Variants in GPR160 observed in about 807,000 individuals in gnomAD.
The protein encoded by GPR160 is probable G protein-coupled receptor 160.
In GPR160, 2 loss-of-function variants were observed where a neutral mutation model predicts 2.6. The observed-to-expected ratio is 0.77, with a 90% CI of 0.32 to 2.44. The LOEUF (loss-of-function observed/expected upper bound fraction) is 2.44, where lower values mean the gene tolerates loss of function less well. GPR160 is among the 30% of genes most tolerant of loss of function. The pLI, the probability that GPR160 is intolerant of heterozygous loss-of-function variation, is 0.11. For synonymous variants in GPR160, 130 were observed against 132.2 expected, an observed-to-expected ratio of 0.98 and a Z score of 0.12; for missense variants, 351 against 383.6, an observed-to-expected ratio of 0.91 and a Z score of 0.71.
intron 2 of GPR160, chr3:170,077,431 T>G (rs1372643126): frequency 6.6e-6 from 1 of 151,790 alleles, no homozygotes; most frequent in Admixed American, 6.6e-5. Context: ...TCGGTCAGAG[T>G]GGTGGGAGAA....
Position 170,042,677 on chromosome 3 carries a change from A to T in GPR160, c.-193+3634A>T, listed in dbSNP as rs199648549. 2.4e-3 allele frequency among the ~76,000 whole-genome samples: 353 copies of T among 145,802 alleles called. 2 individuals are homozygous for T. Among genetic ancestry groups the T allele is most frequent in the East Asian group, 3.9e-3 (20 of 5,070 alleles). On this transcript the variant is annotated intron_variant, in intron 2 of 3. Transcript: ENST00000355897. The stretch of plus-strand genomic sequence containing the variant: ...GCCCCCATCTCTACAAAAAAAAAAA[A>T]TAAATAAATAATAATAATAATAATA...
At chr3:170,058,676 A>G (rs1422905170) in intron 2 of GPR160, among the ~76,000 whole-genome samples, 2 of 152,184 alleles carry the variant, frequency 1.3e-5, no homozygotes, top group Non-Finnish European at 2.9e-5. Flanking sequence ...TCACCCTTTG[A>G]CCTAATGGCC....
chr3:170,082,499 T>C (rs1713183349), intron 3 of GPR160, among the ~76,000 whole-genome samples: 1 of 152,324 alleles, frequency 6.6e-6, no homozygotes, highest in African/African-American at 2.4e-5. Flanking sequence ...CAAATGAAAG[T>C]GTGGGTTTTT....
intron 3 of GPR160, among the ~76,000 whole-genome samples, chr3:170,080,689 C>T (rs896454705): frequency 6.6e-6 from 1 of 152,132 alleles, no homozygotes; most frequent in Admixed American, 6.5e-5. Flanking sequence ...GAAAACATCC[C>T]TTGGATGTTG....
intron 2 of GPR160, among the ~76,000 whole-genome samples, chr3:170,046,539 G>A (rs1333534338): frequency 6.6e-6 from 1 of 152,156 alleles, no homozygotes; most frequent in African/African-American, 2.4e-5. Flanking sequence ...TAATAGGAAT[G>A]TTGTGAGGGG....
intron 2 of GPR160, among the ~76,000 whole-genome samples, chr3:170,055,690 A>AGT (rs1316581507): frequency 6.6e-6 from 1 of 151,944 alleles, no homozygotes; most frequent in African/African-American, 2.4e-5. Context: ...GCTGGAGTGC[A>AGT]GTGGCGCGAT....
At chr3:170,065,545 C>T (rs538923748) in intron 2 of GPR160, among the ~76,000 whole-genome samples, 26 of 152,328 alleles carry the variant, frequency 1.7e-4, no homozygotes, top group African/African-American at 5.8e-4. Context: ...ATTCCTCATT[C>T]TGATGACGTA....
intron 2 of GPR160, among the ~76,000 whole-genome samples, chr3:170,049,041 A>G (rs1215460612): frequency 6.6e-6 from 1 of 152,112 alleles, no homozygotes; most frequent in African/African-American, 2.4e-5. Flanking sequence ...TATTTCCCTG[A>G]TACTGGGATG....
chr3:170,051,425 A>T (rs1284433706), intron 2 of GPR160, among the ~76,000 whole-genome samples: 1 of 152,182 alleles, frequency 6.6e-6, no homozygotes, highest in Non-Finnish European at 1.5e-5. Flanking sequence ...CAAATTCTTT[A>T]TCAAATATAT....
At chr3:170,074,691 C>T (rs1257313474) in intron 2 of GPR160, among the ~76,000 whole-genome samples, 1 of 151,976 alleles carries the variant, frequency 6.6e-6, no homozygotes, top group Non-Finnish European at 1.5e-5. Context: ...CCGTGTTGCC[C>T]AGGCTGGTCT....
chr3:170,050,588 A>G (rs1716915796), intron 2 of GPR160, among the ~76,000 whole-genome samples: 1 of 152,156 alleles, frequency 6.6e-6, no homozygotes, highest in African/African-American at 2.4e-5. Context: ...TTTGTTGGTC[A>G]GGCTGGTCTC....
intron 2 of GPR160, among the ~76,000 whole-genome samples, chr3:170,074,947 C>T (rs570078480): frequency 5.3e-5 from 8 of 151,990 alleles, no homozygotes; most frequent in African/African-American, 1.9e-4. Context: ...AGAAGAGGGC[C>T]GGGTGCAGTG....
chr3:170,080,841 T>C (rs1305979839), intron 3 of GPR160, among the ~76,000 whole-genome samples: 2 of 152,092 alleles, frequency 1.3e-5, no homozygotes, highest in Admixed American at 6.6e-5. Flanking sequence ...GCTGGAACTA[T>C]AGGCCCCCAC....
chr3:170,080,352 C>T (rs918851307), intron 3 of GPR160, among the ~76,000 whole-genome samples: 20 of 152,186 alleles, frequency 1.3e-4, no homozygotes, highest in African/African-American at 3.4e-4. Context: ...CAGGAACTAT[C>T]GTAAATTGGC....
At chr3:170,058,739 A>G (rs1264514555) in intron 2 of GPR160, among the ~76,000 whole-genome samples, 1 of 152,198 alleles carries the variant, frequency 6.6e-6, no homozygotes, top group African/African-American at 2.4e-5. Context: ...AGCAAAGAAT[A>G]TGTACAGAAG....
At chr3:170,064,519 T>TTC (rs1158422083) in intron 2 of GPR160, among the ~76,000 whole-genome samples, 17 of 107,828 alleles carry the variant, frequency 1.6e-4, no homozygotes, top group Non-Finnish European at 2.4e-4. Flanking sequence ...CTTTTCTTTT[T>TTC]TTTTTTTTTT....
chr3:170,065,996 AT>A (rs1351343560), intron 2 of GPR160, among the ~76,000 whole-genome samples: 2 of 152,018 alleles, frequency 1.3e-5, no homozygotes, highest in African/African-American at 4.8e-5. Context: ...GGTTCAAGCA[AT>A]CCTCCTGCCT....
At chr3:170,040,487 G>A (rs1716401355) in intron 2 of GPR160, among the ~76,000 whole-genome samples, 1 of 152,234 alleles carries the variant, frequency 6.6e-6, no homozygotes, top group Non-Finnish European at 1.5e-5. Flanking sequence ...TTTGCTGAGT[G>A]TGACAAAGCT....
intron 2 of GPR160, among the ~76,000 whole-genome samples, chr3:170,057,584 C>T (rs1048963118): frequency 5.9e-5 from 9 of 152,310 alleles, no homozygotes; most frequent in African/African-American, 2.2e-4. Context: ...ACATTGGCAA[C>T]ACTGAAATCA....
Sources: allele counts gnomAD v4.1 joint callset (sites outside exome capture counted in the v4.1 genomes callset), GRCh38; gene constraint gnomAD v4.1.1; transcripts MANE v1.5; gene names NCBI Gene and HGNC (gene_info 2026-07-23, HGNC 2026-07-21).